SORCS3: variants seen among roughly 807,000 people sequenced by gnomAD.
SORCS3 encodes the protein VPS10 domain-containing receptor SorCS3.
SORCS3 carries 57 observed loss-of-function variants against 146.3 expected under a neutral mutation model. The ratio of observed to expected loss-of-function variants is 0.39; its 90% confidence interval spans 0.31 to 0.49. SORCS3 has a LOEUF of 0.49. SORCS3 is among the 20% of genes least tolerant of loss of function. The pLI is 0.92. For missense variants in SORCS3, 1,341 were observed against 1,575.5 expected (o/e 0.85, Z 2.52); for synonymous variants, 653 against 618.5 (o/e 1.06, Z -0.83).
At chr10:104,741,975 G>A (rs1051538828) in intron 1 of SORCS3, among the ~76,000 whole-genome samples, 1 of 151,388 alleles carries the variant, frequency 6.6e-6, no homozygotes, top group African/African-American at 2.4e-5. Flanking sequence ...ACTCAAGTTG[G>A]GATTTTCCTT....
At chr10:105,022,297 C>CTTTTT (rs55738895) in intron 4 of SORCS3, among the ~76,000 whole-genome samples, 1 of 130,070 alleles carries the variant, frequency 7.7e-6, no homozygotes, top group Non-Finnish European at 1.6e-5. Flanking sequence ...TTTTTCTTTT[C>CTTTTT]TTTTTTTTTT....
At chr10:104,938,015 T>G (rs924995402) in intron 3 of SORCS3, among the ~76,000 whole-genome samples, 1 of 152,220 alleles carries the variant, frequency 6.6e-6, no homozygotes, top group Non-Finnish European at 1.5e-5. Context: ...GTTTGGACTC[T>G]GGTATTACCC....
At chr10:105,142,790 A>G (rs941202086) in intron 8 of SORCS3, among the ~76,000 whole-genome samples, 2 of 152,116 alleles carry the variant, frequency 1.3e-5, no homozygotes, top group East Asian at 3.9e-4. Flanking sequence ...TTCAAATAAA[A>G]TCTCCTCTTA....
chr10:105,118,201 G>T (rs1376324412), intron 7 of SORCS3, among the ~76,000 whole-genome samples: 1 of 152,126 alleles, frequency 6.6e-6, no homozygotes, highest in Non-Finnish European at 1.5e-5. Flanking sequence ...TCCCCATGCT[G>T]TTCTCGTAAA....
chr10:105,261,954 A>G (rs1322970001), intron 25 of SORCS3, among the ~76,000 whole-genome samples: 1 of 152,248 alleles, frequency 6.6e-6, no homozygotes. Context: ...AACCTTAGAA[A>G]TAGGTGTCTT....
intron 5 of SORCS3, among the ~76,000 whole-genome samples, chr10:105,083,477 G>A (rs1256868401): frequency 6.6e-6 from 1 of 151,994 alleles, no homozygotes; most frequent in Non-Finnish European, 1.5e-5. Context: ...TTATTAACCT[G>A]CTTGGCATAT....
At position 104,889,892 on chromosome 10, in the gene SORCS3, T is replaced by C. The variant is rs535530214; in HGVS notation, c.696-25941T>C. Among the ~76,000 whole-genome samples the C allele has an allele frequency of 2.0e-5, 3 of 152,186 alleles. No individual in the cohort carries two copies. In the South Asian group the frequency reaches 6.2e-4, roughly 32 times the overall value. On this transcript the variant is annotated intron_variant, in intron 2 of 26. Coordinates refer to ENST00000369701, the MANE Select transcript of SORCS3 (RefSeq NM_014978.3). Reference sequence around the variant, plus strand: ...TTTACATTTTCTTGTGGTACCAGTATACAGATGATAGTTCTTTCATCTGTT... The same window carrying C: ...TTTACATTTTCTTGTGGTACCAGTACACAGATGATAGTTCTTTCATCTGTT...
chr10:105,015,210 C>T (rs536663275), intron 4 of SORCS3, among the ~76,000 whole-genome samples: 1 of 151,872 alleles, frequency 6.6e-6, no homozygotes, highest in Admixed American at 6.6e-5. Context: ...CTTTGGAGAA[C>T]AAGCTGGCAG....
intron 1 of SORCS3, among the ~76,000 whole-genome samples, chr10:104,802,540 C>A (rs1310351969): frequency 6.6e-6 from 1 of 152,136 alleles, no homozygotes; most frequent in African/African-American, 2.4e-5. Context: ...TGTGTAGGAC[C>A]ATGAAATCTG....
intron 2 of SORCS3, among the ~76,000 whole-genome samples, chr10:104,890,127 C>T (rs561936367): frequency 3.0e-4 from 45 of 152,068 alleles, no homozygotes; most frequent in Non-Finnish European, 5.4e-4. Context: ...TTGAGTACGA[C>T]GTGCTTTGAT....
intron 2 of SORCS3, among the ~76,000 whole-genome samples, chr10:104,909,979 C>G (rs2018950142): frequency 6.6e-6 from 1 of 152,096 alleles, no homozygotes; most frequent in Non-Finnish European, 1.5e-5. Context: ...GCAGGTCAGA[C>G]TGGGGGTTCC....
chr10:105,022,297 CTT>C (rs55738895), intron 4 of SORCS3, among the ~76,000 whole-genome samples: 36,955 of 129,686 alleles, frequency 0.28, 5,190 homozygotes, highest in African/African-American at 0.4. Context: ...TTTTTCTTTT[CTT>C]TTTTTTTTTT....
chr10:105,123,793 C>A (rs2055953287), intron 7 of SORCS3, among the ~76,000 whole-genome samples: 1 of 152,116 alleles, frequency 6.6e-6, no homozygotes, highest in Non-Finnish European at 1.5e-5. Flanking sequence ...AGTCTCCCAA[C>A]AAATATTTCT....
chr10:104,865,573 G>T (rs1250477317), intron 2 of SORCS3, among the ~76,000 whole-genome samples: 1 of 152,192 alleles, frequency 6.6e-6, no homozygotes, highest in African/African-American at 2.4e-5. Context: ...ACCCTCAAAA[G>T]ATCCCAAGAG....
intron 2 of SORCS3, among the ~76,000 whole-genome samples, chr10:104,860,951 G>A (rs971369796): frequency 6.6e-6 from 1 of 152,200 alleles, no homozygotes; most frequent in African/African-American, 2.4e-5. Context: ...AGTCCCCTCA[G>A]TGGAAGACCC....
At chr10:105,154,344 C>G (rs541164640) in intron 9 of SORCS3, among the ~76,000 whole-genome samples, 1 of 152,320 alleles carries the variant, frequency 6.6e-6, no homozygotes, top group Non-Finnish European at 1.5e-5. Context: ...CTTTTCTCAG[C>G]AGAGCCCTGG....
chr10:105,222,339 T>C (rs1295592168), intron 19 of SORCS3, among the ~76,000 whole-genome samples: 1 of 152,150 alleles, frequency 6.6e-6, no homozygotes, highest in Non-Finnish European at 1.5e-5. Flanking sequence ...ATTACAGGTG[T>C]GAGCCACCGC....
intron 1 of SORCS3, among the ~76,000 whole-genome samples, chr10:104,748,928 C>A (rs915865617): frequency 2.6e-5 from 4 of 152,126 alleles, no homozygotes; most frequent in African/African-American, 9.7e-5. Flanking sequence ...CCAGCAGATT[C>A]CCAGAAGAGG....
chr10:105,064,061 T>A (rs1307003903), intron 5 of SORCS3, among the ~76,000 whole-genome samples: 2 of 152,206 alleles, frequency 1.3e-5, no homozygotes, highest in African/African-American at 4.8e-5. Flanking sequence ...AAGCAACATT[T>A]GTTGAACATC....
Sources: allele counts gnomAD v4.1 joint callset (sites outside exome capture counted in the v4.1 genomes callset), GRCh38; gene constraint gnomAD v4.1.1; transcripts MANE v1.5; gene names NCBI Gene and HGNC (gene_info 2026-07-23, HGNC 2026-07-21).